Variants in WDFY4 observed in about 807,000 individuals in gnomAD.
The protein encoded by WDFY4 is WD repeat- and FYVE domain-containing protein 4.
Under a neutral mutation model 351.9 loss-of-function variants are expected in WDFY4, and 169 were observed. The observed-to-expected ratio is 0.48, with a 90% CI of 0.42 to 0.55. The LOEUF (loss-of-function observed/expected upper bound fraction) is 0.55. WDFY4 is among the 20% of genes least tolerant of loss of function. WDFY4 has a pLI of 0.00. For missense variants in WDFY4, 3,803 were observed against 3,935.6 expected (o/e 0.97, Z 0.90); for synonymous variants, 1,622 against 1,574.6 (o/e 1.03, Z -0.71).
chr10:48,864,711 C>T (rs539354741), intron 39 of WDFY4, among the ~76,000 whole-genome samples: 1 of 152,162 alleles, frequency 6.6e-6, no homozygotes, highest in Admixed American at 6.5e-5. Context: ...TGTTACCATA[C>T]ATATGGGATA....
chr10:48,981,547 T>G (rs1257481843), intron 61 of WDFY4, 69 bp downstream of exon 61: 1 of 1,457,164 alleles, frequency 6.9e-7, no homozygotes, highest in East Asian at 2.5e-5. Context: ...AAAGCCCCAG[T>G]GGCTCTGAGT....
At chr10:48,838,278 C>T (rs7101184) in intron 39 of WDFY4, among the ~76,000 whole-genome samples, 59,531 of 151,712 alleles carry the variant, frequency 0.39, 12,546 homozygotes, top group East Asian at 0.7. Flanking sequence ...ATGAGACCTC[C>T]AATGAAACCA....
At chr10:48,870,051 CAGCCCT>C (rs1235722625) in intron 40 of WDFY4, among the ~76,000 whole-genome samples, 1 of 152,184 alleles carries the variant, frequency 6.6e-6, no homozygotes, top group Non-Finnish European at 1.5e-5. Context: ...GTGCCATTCC[CAGCCCT>C]AGGGGGTGGT....
intron 39 of WDFY4, among the ~76,000 whole-genome samples, chr10:48,866,771 C>T (rs1156523708): frequency 6.6e-6 from 1 of 152,224 alleles, no homozygotes; most frequent in East Asian, 1.9e-4. Flanking sequence ...TGAATGTATT[C>T]ATATGTGAGT....
rs549629405 is a variant in WDFY4, at chr10:48,892,070, A to G, written c.7316+1343A>G. ...TAATTAATACTTGGCTCCTCATCCC[A>G]TCTTATTGCTCATGTTTTATTGATA... On this transcript the variant is annotated intron_variant, in intron 44 of 61. Transcript: ENST00000325239. Among the ~76,000 whole-genome samples, 5 of 152,238 alleles carry G rather than the reference A, an allele frequency of 3.3e-5. No homozygotes were observed. In the South Asian group the frequency reaches 1.0e-3, roughly 32 times the overall value.
At chr10:48,745,421 T>C (rs1443238722) in intron 12 of WDFY4, 1 of 239,158 alleles carries the variant, frequency 4.2e-6, no homozygotes, top group East Asian at 1.3e-4. Flanking sequence ...GTTCTATTTA[T>C]GTCCCTTGGA....
intron 47 of WDFY4, among the ~76,000 whole-genome samples, chr10:48,920,241 G>A (rs1838935052): frequency 6.6e-6 from 1 of 151,966 alleles, no homozygotes; most frequent in Non-Finnish European, 1.5e-5. Flanking sequence ...CTGGCTAAAG[G>A]ACGTCCACAA....
rs180808742 is a variant in WDFY4, at chr10:48,904,148, G to A, written c.7586+2285G>A. Among the ~76,000 whole-genome samples the A allele has an allele frequency of 1.3e-4, 20 of 152,340 alleles. No individual in the cohort carries two copies. In the South Asian group the frequency reaches 2.3e-3, roughly 17 times the overall value. Reference sequence around the variant, plus strand: ...ACTAATTGCAGTGGCTACCAGCAGAGGCTCCTATTGTGCCAGGCACTTACC... The same window carrying A: ...ACTAATTGCAGTGGCTACCAGCAGAAGCTCCTATTGTGCCAGGCACTTACC... On this transcript the variant is annotated intron_variant, in intron 47 of 61. Transcript: ENST00000325239.
At chr10:48,778,909 G>GTTTCTAACCACACC in intron 18 of WDFY4, 77 bp downstream of exon 18, 1 of 1,477,752 alleles carries the variant, frequency 6.8e-7, no homozygotes, top group Non-Finnish European at 9.1e-7. Flanking sequence ...CTCAACACAG[G>GTTTCTAACCACACC]TGTGGTTAGA....
At chr10:48,719,973 C>A in intron 2 of WDFY4, 38 bp from the exon 3 acceptor site, 1 of 1,531,752 alleles carries the variant, frequency 6.5e-7, no homozygotes, top group Non-Finnish European at 8.9e-7. Flanking sequence ...CTGCTTGTGG[C>A]ATTGCTATCT....
rs1842470145 is a variant in WDFY4, at chr10:48,974,519, A to AAAAAAAAACAACAAC, written c.8929-335_8929-334insCAACAACAAAAAAAA. 5.2e-4 allele frequency among the ~76,000 whole-genome samples: 26 copies of AAAAAAAAACAACAAC among 49,970 alleles called. 8 individuals are homozygous for AAAAAAAAACAACAAC. The highest frequency in any genetic ancestry group is 2.8e-3 in the Admixed American group (8 of 2,876). The allele number at this position is 49,970 out of a possible 152,430, so 32.8% of individuals were successfully genotyped here. A position where few individuals can be genotyped will look rare whatever the true frequency, so the allele number is the denominator to read the frequency against. On this transcript the variant is annotated intron_variant, in intron 57 of 61. Coordinates refer to ENST00000325239, the MANE Select transcript of WDFY4 (RefSeq NM_001394531.1). ...CTCCGTCTCAAAAAAAAAAAAAAAA[A>AAAAAAAAACAACAAC]AAAAAAAAAACAACTCATGACATGA...
rs931047268 is a variant in WDFY4, at chr10:48,729,415, C to A, written c.972-17C>A. The A allele has an allele frequency of 1.9e-6, 3 of 1,550,000 alleles. No homozygotes were observed. The African/African-American group carries it at 4.1e-5, about 21-fold the overall frequency. On this transcript the variant is annotated splice_polypyrimidine_tract_variant and intron_variant, in intron 7 of 61. Coordinates refer to ENST00000325239, the MANE Select transcript of WDFY4 (RefSeq NM_001394531.1). ...CATCTAGGAAGTACAGGGAGCTGGCCTCATCTGTTCCCCCAGGTATGATGG... is the reference window on the plus strand; with the variant it reads ...CATCTAGGAAGTACAGGGAGCTGGCATCATCTGTTCCCCCAGGTATGATGG...
chr10:48,913,555 C>A (rs748422496), intron 47 of WDFY4: 2 of 1,614,156 alleles, frequency 1.2e-6, no homozygotes, highest in Admixed American at 3.3e-5. Flanking sequence ...TTCTCCTCCA[C>A]AACATACAAG....
intron 14 of WDFY4, among the ~76,000 whole-genome samples, 179 bp from the exon 15 acceptor site, chr10:48,775,533 G>T (rs1023378722): frequency 2.0e-5 from 3 of 152,150 alleles, no homozygotes; most frequent in Non-Finnish European, 4.4e-5. Context: ...CAGCTCTCTG[G>T]TCTGGTCTGG....
At chr10:48,864,425 A>G (rs2069464881) in intron 39 of WDFY4, among the ~76,000 whole-genome samples, 1 of 152,204 alleles carries the variant, frequency 6.6e-6, no homozygotes, top group South Asian at 2.1e-4. Flanking sequence ...TCTCAATTTT[A>G]TTCCATTGAT....
At chr10:48,941,922 AG>A (rs1464893156) in intron 48 of WDFY4, 74 bp downstream of exon 48, 44 of 1,425,684 alleles carry the variant, frequency 3.1e-5, no homozygotes, top group Non-Finnish European at 4.3e-5. Context: ...AGCGATGGAG[AG>A]GAAGTGTGTG....
At chr10:48,698,929 A>C (rs1273785428) in intron 1 of WDFY4, among the ~76,000 whole-genome samples, 1 of 152,168 alleles carries the variant, frequency 6.6e-6, no homozygotes, top group Non-Finnish European at 1.5e-5. Flanking sequence ...GACTCAGGGA[A>C]GGGTTGCCGT....
intron 59 of WDFY4, 109 bp downstream of exon 59, chr10:48,977,088 C>A: frequency 1.8e-6 from 2 of 1,131,608 alleles, no homozygotes; most frequent in Non-Finnish European, 2.3e-6. Context: ...TGAGACCATT[C>A]CAGAACGGGT....
chr10:48,894,656 C>T (rs890399545), intron 44 of WDFY4, among the ~76,000 whole-genome samples: 1 of 152,164 alleles, frequency 6.6e-6, no homozygotes, highest in Admixed American at 6.5e-5. Context: ...GGACGGAGAG[C>T]CATGGGCAAA....
Sources: allele counts gnomAD v4.1 joint callset (sites outside exome capture counted in the v4.1 genomes callset), GRCh38; gene constraint gnomAD v4.1.1; transcripts MANE v1.5; gene names NCBI Gene and HGNC (gene_info 2026-07-23, HGNC 2026-07-21).